SORCS3: variants seen among roughly 807,000 people sequenced by gnomAD.
SORCS3 encodes VPS10 domain-containing receptor SorCS3.
A neutral mutation model predicts 146.3 loss-of-function variants in SORCS3; 57 were observed. The ratio of observed to expected loss-of-function variants is 0.39; its 90% CI spans 0.31 to 0.49. SORCS3 has a LOEUF of 0.49. SORCS3 is among the 20% of genes least tolerant of loss of function. The pLI is 0.92. For missense variants in SORCS3, 1,341 were observed against 1,575.5 expected, an observed-to-expected ratio of 0.85 and a Z score of 2.52; for synonymous variants, 653 against 618.5, an observed-to-expected ratio of 1.06 and a Z score of -0.83.
chr10:104,925,034 A>C (rs2019127902), intron 3 of SORCS3, among the ~76,000 whole-genome samples: 1 of 152,178 alleles, frequency 6.6e-6, no homozygotes, highest in South Asian at 2.1e-4. Context: ...CCCTGGCTGC[A>C]TTAGATATTC....
chr10:105,176,849 G>T (rs915566824), intron 13 of SORCS3, among the ~76,000 whole-genome samples: 3 of 148,170 alleles, frequency 2.0e-5, no homozygotes, highest in Admixed American at 1.4e-4. Context: ...GTGAGACTCC[G>T]TCTCAAACAA....
At chr10:104,991,307 A>T (rs1302617243) in intron 4 of SORCS3, among the ~76,000 whole-genome samples, 3 of 152,150 alleles carry the variant, frequency 2.0e-5, no homozygotes, top group Non-Finnish European at 4.4e-5. Flanking sequence ...ATAGAAATGT[A>T]TGGCCTCATG....
intron 3 of SORCS3, among the ~76,000 whole-genome samples, chr10:104,965,261 C>A (rs969566572): frequency 6.6e-6 from 1 of 152,150 alleles, no homozygotes; most frequent in African/African-American, 2.4e-5. Context: ...AATAGTCACG[C>A]CAATTTATAC....
intron 23 of SORCS3, among the ~76,000 whole-genome samples, chr10:105,254,432 T>C (rs1423601249): frequency 6.6e-6 from 1 of 152,238 alleles, no homozygotes; most frequent in Non-Finnish European, 1.5e-5. Context: ...CCAGTGACTG[T>C]AGGCATGCCT....
At position 105,023,847 on chromosome 10, in the gene SORCS3, G is replaced by A. The variant is rs201443744; in HGVS notation, c.955-19208G>A. 4.6e-5 allele frequency among the ~76,000 whole-genome samples: 7 copies of A among 152,218 alleles called. No individual in the cohort carries two copies. In the East Asian group the frequency reaches 9.7e-4, roughly 21 times the overall value. Reference sequence around the variant, plus strand: ...GGAAGAAATGGAAAATAAATGCTAAGTTTCCTGGCAAATTATGAACTCTGG... The same window carrying A: ...GGAAGAAATGGAAAATAAATGCTAAATTTCCTGGCAAATTATGAACTCTGG... On this transcript the variant is annotated intron_variant, in intron 4 of 26. Transcript: ENST00000369701.
chr10:105,105,990 A>G (rs1022012971), intron 7 of SORCS3, among the ~76,000 whole-genome samples: 1 of 152,018 alleles, frequency 6.6e-6, no homozygotes, highest in Non-Finnish European at 1.5e-5. Context: ...CAAAGCGTTT[A>G]CTCCCAGAAC....
chr10:104,779,550 G>A (rs1240633773), intron 1 of SORCS3, among the ~76,000 whole-genome samples: 2 of 152,196 alleles, frequency 1.3e-5, no homozygotes, highest in African/African-American at 2.4e-5. Context: ...GGGACTCCAC[G>A]GAGGAAGTGT....
intron 3 of SORCS3, among the ~76,000 whole-genome samples, chr10:104,962,486 T>A (rs2054801860): frequency 6.6e-6 from 1 of 152,094 alleles, no homozygotes; most frequent in Admixed American, 6.6e-5. Flanking sequence ...GGCAGCAGAT[T>A]CTTACTCCAT....
chr10:104,827,485 T>C (rs1253814700), intron 1 of SORCS3, among the ~76,000 whole-genome samples: 5 of 152,144 alleles, frequency 3.3e-5, no homozygotes, highest in Non-Finnish European at 7.4e-5. Context: ...ATTGGAGCAG[T>C]AGGTCTCAAC....
At chr10:104,758,374 T>C (rs1403338771) in intron 1 of SORCS3, among the ~76,000 whole-genome samples, 1 of 152,156 alleles carries the variant, frequency 6.6e-6, no homozygotes, top group African/African-American at 2.4e-5. Context: ...CATTTTGTCT[T>C]TATGGCTATA....
chr10:104,696,442 A>G (rs796080571), intron 1 of SORCS3, among the ~76,000 whole-genome samples: 1 of 1,966 alleles, frequency 5.1e-4, no homozygotes, highest in African/African-American at 6.4e-4. Flanking sequence ...AGAATATATA[A>G]TATATAGAAT....
At chr10:105,155,394 GC>G (rs2056200229) in intron 9 of SORCS3, among the ~76,000 whole-genome samples, 2 of 152,296 alleles carry the variant, frequency 1.3e-5, no homozygotes, top group Middle Eastern at 3.4e-3. Context: ...GGATAGCAAG[GC>G]CCTGGGTACT....
chr10:104,865,761 T>G (rs1334818780), intron 2 of SORCS3, among the ~76,000 whole-genome samples: 1 of 152,166 alleles, frequency 6.6e-6, no homozygotes, highest in Non-Finnish European at 1.5e-5. Flanking sequence ...AACATGGAAT[T>G]TTTTCTTGAC....
intron 1 of SORCS3, among the ~76,000 whole-genome samples, chr10:104,770,983 G>T (rs1424970030): frequency 6.6e-6 from 1 of 151,990 alleles, no homozygotes; most frequent in Non-Finnish European, 1.5e-5. Flanking sequence ...CTTCTAAACT[G>T]CCACTATGCC....
At chr10:104,645,644 G>T (rs2015486741) in intron 1 of SORCS3, among the ~76,000 whole-genome samples, 1 of 152,140 alleles carries the variant, frequency 6.6e-6, no homozygotes, top group South Asian at 2.1e-4. Flanking sequence ...ACTGCATCTT[G>T]GTGAAGAGAA....
chr10:104,772,686 T>A (rs1373621396), intron 1 of SORCS3, among the ~76,000 whole-genome samples: 2 of 152,222 alleles, frequency 1.3e-5, no homozygotes, highest in African/African-American at 2.4e-5. Context: ...GCCATCACAG[T>A]ACCTTTGTTC....
At chr10:105,137,422 A>G (rs1194853632) in intron 7 of SORCS3, among the ~76,000 whole-genome samples, 3 of 152,146 alleles carry the variant, frequency 2.0e-5, no homozygotes, top group African/African-American at 7.2e-5. Context: ...GCTGGATCAC[A>G]CACTGTGAAT....
At chr10:104,805,911 C>T (rs1028490654) in intron 1 of SORCS3, among the ~76,000 whole-genome samples, 4 of 152,014 alleles carry the variant, frequency 2.6e-5, no homozygotes, top group Admixed American at 6.6e-5. Context: ...TTCTCTCTTG[C>T]GTGTGTAAGT....
At chr10:104,789,236 T>C (rs533159275) in intron 1 of SORCS3, among the ~76,000 whole-genome samples, 1 of 152,336 alleles carries the variant, frequency 6.6e-6, no homozygotes, top group East Asian at 1.9e-4. Context: ...TTCTTGAACA[T>C]TTCCAAGAGG....
Sources: allele counts gnomAD v4.1 joint callset (sites outside exome capture counted in the v4.1 genomes callset), GRCh38; gene constraint gnomAD v4.1.1; transcripts MANE v1.5; gene names NCBI Gene and HGNC (gene_info 2026-07-23, HGNC 2026-07-21).